Variants in OLFM3 observed in about 807,000 individuals in gnomAD.
OLFM3 encodes noelin-3.
OLFM3 carries 20 observed loss-of-function variants against 48.6 expected under a neutral mutation model. That is an observed-to-expected ratio of 0.41 (90% CI 0.29 to 0.60). The LOEUF is 0.60. Among genes scored for constraint, OLFM3 ranks in the 20% least tolerant of loss-of-function variants. The probability of loss-of-function intolerance (pLI) is 0.28; values close to 1 mark genes in which losing one functional copy is unlikely to be tolerated. For synonymous variants in OLFM3, 222 were observed against 198.1 expected (o/e 1.12, Z -1.01); for missense variants, 437 against 544.3 (o/e 0.80, Z 1.96).
intron 1 of OLFM3, among the ~76,000 whole-genome samples, chr1:101,867,743 C>T (rs1557708612): frequency 6.6e-6 from 1 of 152,100 alleles, no homozygotes; most frequent in African/African-American, 2.4e-5. Flanking sequence ...ATAACAGGAA[C>T]AAATAATAGT....
intron 1 of OLFM3, among the ~76,000 whole-genome samples, chr1:101,969,214 C>T (rs563385846): frequency 3.9e-5 from 6 of 152,284 alleles, no homozygotes; most frequent in African/African-American, 1.4e-4. Flanking sequence ...ATGGCACAAT[C>T]AGAGCTCACT....
chr1:101,872,323 G>A (rs1276207645), intron 1 of OLFM3, among the ~76,000 whole-genome samples: 2 of 151,924 alleles, frequency 1.3e-5, no homozygotes, highest in Non-Finnish European at 2.9e-5. Flanking sequence ...GAATAGATCT[G>A]GTAAAGTTAG....
chr1:101,813,248 A>T (rs1654157418), intron 4 of OLFM3: 1 of 377,936 alleles, frequency 2.6e-6, no homozygotes, highest in African/African-American at 2.2e-5. Flanking sequence ...AATATTAAAT[A>T]AAAATTATTG....
At chr1:101,827,359 A>G (rs1051554325) in intron 3 of OLFM3, among the ~76,000 whole-genome samples, 2 of 151,726 alleles carry the variant, frequency 1.3e-5, no homozygotes, top group Non-Finnish European at 2.9e-5. Flanking sequence ...TCTGTCACCC[A>G]GGCTGGAGTG....
chr1:101,810,552 A>G (rs1304007748), intron 4 of OLFM3, among the ~76,000 whole-genome samples: 1 of 151,986 alleles, frequency 6.6e-6, no homozygotes. Flanking sequence ...AATTTTATAA[A>G]GCAAAAATCA....
chr1:101,949,781 T>G (rs1660066027), intron 1 of OLFM3, among the ~76,000 whole-genome samples: 1 of 151,730 alleles, frequency 6.6e-6, no homozygotes. Flanking sequence ...ATACAAAAAA[T>G]CAGCCGGGCG....
intron 1 of OLFM3, among the ~76,000 whole-genome samples, chr1:101,906,014 T>C (rs1658539063): frequency 1.3e-5 from 2 of 152,166 alleles, no homozygotes; most frequent in African/African-American, 4.8e-5. Context: ...ATCTCTTCCC[T>C]TTTTTAAGAA....
At chr1:101,890,504 T>C (rs868862261) in intron 1 of OLFM3, among the ~76,000 whole-genome samples, 1 of 152,022 alleles carries the variant, frequency 6.6e-6, no homozygotes, top group African/African-American at 2.4e-5. Flanking sequence ...ATAAGTGTCA[T>C]TGGTTTTCTA....
At chr1:101,872,581 T>C (rs1657123750) in intron 1 of OLFM3, among the ~76,000 whole-genome samples, 2 of 152,032 alleles carry the variant, frequency 1.3e-5, no homozygotes, top group African/African-American at 4.8e-5. Flanking sequence ...AAACTATTTA[T>C]CTAGCTTCCC....
At chr1:101,982,913 T>TACACACACAC (rs149648138) in intron 1 of OLFM3, among the ~76,000 whole-genome samples, 13,218 of 150,890 alleles carry the variant, frequency 0.088, 593 homozygotes, top group Non-Finnish European at 0.11. Context: ...TCTTTGTTTT[T>TACACACACAC]ACACACACAC....
chr1:101,850,418 ATT>A (rs1201247025), intron 1 of OLFM3, among the ~76,000 whole-genome samples: 2 of 152,172 alleles, frequency 1.3e-5, no homozygotes, highest in Non-Finnish European at 2.9e-5. Flanking sequence ...GCAAATAAAT[ATT>A]GAGTGAGAAT....
intron 1 of OLFM3, among the ~76,000 whole-genome samples, chr1:101,864,210 A>G (rs1285158376): frequency 6.6e-6 from 1 of 151,492 alleles, no homozygotes; most frequent in Non-Finnish European, 1.5e-5. Flanking sequence ...TTTTTTTTCC[A>G]AAATCTTTAA....
At chr1:101,855,039 C>T (rs942161363) in intron 1 of OLFM3, among the ~76,000 whole-genome samples, 2 of 151,918 alleles carry the variant, frequency 1.3e-5, no homozygotes, top group African/African-American at 4.8e-5. Flanking sequence ...TAGTGACAAG[C>T]GAAGTTCATC....
chr1:101,910,959 A>G (rs1179964490), intron 1 of OLFM3, among the ~76,000 whole-genome samples: 1 of 152,184 alleles, frequency 6.6e-6, no homozygotes, highest in Non-Finnish European at 1.5e-5. Flanking sequence ...TCCAGAGAGG[A>G]TATTCACTCA....
At chr1:101,973,060 A>G (rs17488473) in intron 1 of OLFM3, among the ~76,000 whole-genome samples, 37,755 of 152,242 alleles carry the variant, frequency 0.25, 5,253 homozygotes, top group Middle Eastern at 0.36. Flanking sequence ...ATAAAAATAT[A>G]GTGCTATGGG....
At chr1:101,944,003 G>C (rs1659876626) in intron 1 of OLFM3, among the ~76,000 whole-genome samples, 1 of 149,870 alleles carries the variant, frequency 6.7e-6, no homozygotes, top group Non-Finnish European at 1.5e-5. Context: ...GTTGAAAGTT[G>C]TATTCCCACT....
intron 1 of OLFM3, among the ~76,000 whole-genome samples, chr1:101,952,899 T>G (rs1047240311): frequency 1.3e-5 from 2 of 152,158 alleles, no homozygotes; most frequent in Non-Finnish European, 2.9e-5. Context: ...GGTCTGGAGC[T>G]GCATATTTCA....
intron 1 of OLFM3, among the ~76,000 whole-genome samples, chr1:101,911,347 A>G (rs1658753331): frequency 1.3e-5 from 2 of 152,188 alleles, no homozygotes; most frequent in South Asian, 4.1e-4. Context: ...GAAAAGCAAC[A>G]TTCAAATTTA....
chr1:101,909,476 TGGAACTTAACTAAGACCA>T (rs1045793107), intron 1 of OLFM3, among the ~76,000 whole-genome samples: 5 of 152,236 alleles, frequency 3.3e-5, no homozygotes, highest in African/African-American at 1.2e-4. Flanking sequence ...CTGTTTGGGC[TGGAACTTAACTAAGACCA>T]GTTCACTATT....
Sources: allele counts gnomAD v4.1 joint callset (sites outside exome capture counted in the v4.1 genomes callset), GRCh38; gene constraint gnomAD v4.1.1; transcripts MANE v1.5; gene names NCBI Gene and HGNC (gene_info 2026-07-23, HGNC 2026-07-21).